The following WWC2 variants were observed in gnomAD, a reference collection of about 807,000 sequenced individuals.
The protein encoded by WWC2 is protein WWC2.
WWC2 carries 101 observed loss-of-function variants against 138.5 expected under a neutral mutation model. The observed-to-expected ratio is 0.73, with a 90% CI of 0.62 to 0.86. The LOEUF (loss-of-function observed/expected upper bound fraction) is 0.86. Among genes scored for constraint, WWC2 ranks in the 40% least tolerant of loss-of-function variants. The pLI is 0.00. For missense variants in WWC2, 1,420 were observed against 1,419.4 expected (o/e 1.00, Z -0.01); for synonymous variants, 558 against 538.4 (o/e 1.04, Z -0.50).
chr4:183,320,226 T>C lies in WWC2; in HGVS notation c.*4497T>C, dbSNP rs1249613600. ...TCTAAATACTAAAGCCATTATAATG[T>C]CCTGAGAGCTTTAGCCAAACTAACT... On this transcript the variant is annotated 3_prime_UTR_variant, in exon 23 of 23. Transcript: ENST00000403733. The C allele has an allele frequency of 1.9e-6, 3 of 1,603,808 alleles. No individual in the cohort carries two copies.
intron 1 of WWC2, among the ~76,000 whole-genome samples, chr4:183,121,368 T>C (rs1732594880): frequency 6.6e-6 from 1 of 152,044 alleles, no homozygotes; most frequent in African/African-American, 2.4e-5. Flanking sequence ...AATTTTGGAA[T>C]ATTTGCATTA....
chr4:183,280,032 C>G (rs1738011463), intron 16 of WWC2, among the ~76,000 whole-genome samples: 1 of 151,856 alleles, frequency 6.6e-6, no homozygotes, highest in African/African-American at 2.4e-5. Flanking sequence ...TCTTTAGTTC[C>G]TAATGAAATA....
intron 16 of WWC2, among the ~76,000 whole-genome samples, chr4:183,276,972 T>TTA (rs1737876538): frequency 1.8e-4 from 27 of 150,286 alleles, no homozygotes; most frequent in Non-Finnish European, 2.5e-4. Context: ...TCATTTCTTT[T>TTA]TTATTATTAT....
intron 10 of WWC2, 125 bp from the exon 11 acceptor site, chr4:183,260,785 C>G: frequency 1.5e-6 from 2 of 1,307,832 alleles, no homozygotes; most frequent in Non-Finnish European, 2.1e-6. Flanking sequence ...TTCCTCTGTC[C>G]CTGGCCATTG....
chr4:183,290,313 A>G (rs1045940083), intron 21 of WWC2, among the ~76,000 whole-genome samples: 1 of 152,108 alleles, frequency 6.6e-6, no homozygotes, highest in Non-Finnish European at 1.5e-5. Context: ...TCAGGAGTTC[A>G]AGACCAGCCT....
At chr4:183,230,286 G>T (rs1474748679) in intron 4 of WWC2, among the ~76,000 whole-genome samples, 2 of 152,046 alleles carry the variant, frequency 1.3e-5, no homozygotes, top group Non-Finnish European at 2.9e-5. Context: ...AGCTTTAAAT[G>T]CTTGTACTAG....
intron 1 of WWC2, among the ~76,000 whole-genome samples, chr4:183,178,944 A>G (rs1164161144): frequency 6.6e-6 from 1 of 152,242 alleles, no homozygotes; most frequent in Non-Finnish European, 1.5e-5. Context: ...AAGGATATTC[A>G]GTACAGTGTT....
chr4:183,222,687 C>T (rs891884195), intron 4 of WWC2, among the ~76,000 whole-genome samples: 7 of 152,036 alleles, frequency 4.6e-5, no homozygotes, highest in Non-Finnish European at 1.5e-5. Flanking sequence ...AATATGTGGC[C>T]AGGCGTGGTG....
At chr4:183,307,956 G>T (rs1739078106) in intron 21 of WWC2, among the ~76,000 whole-genome samples, 2 of 152,182 alleles carry the variant, frequency 1.3e-5, no homozygotes, top group Admixed American at 1.3e-4. Context: ...TGTCCATGTA[G>T]GCAACCTGAA....
At chr4:183,315,031 C>T (rs139745440) in intron 22 of WWC2, among the ~76,000 whole-genome samples, 102 of 152,342 alleles carry the variant, frequency 6.7e-4, no homozygotes, top group East Asian at 5.4e-3. Context: ...TACGTGCTGA[C>T]GGCATAAATG....
At position 183,285,884 on chromosome 4, in the gene WWC2, C is replaced by T; in HGVS notation, c.3049-83C>T. On this transcript the variant is annotated intron_variant, in intron 19 of 22. Transcript: ENST00000403733. ...CTCTTAACTATGACTACCTGCTTTA[C>T]TTGGTAAATGTCTCAATCCCAAACT... 3 of 1,278,824 alleles carry T rather than the reference C, an allele frequency of 2.3e-6. No homozygotes were observed. In the South Asian group the frequency reaches 3.9e-5, roughly 17 times the overall value. The allele number at this position is 1,278,824 out of a possible 1,614,324, so 79.2% of individuals were successfully genotyped here.
chr4:183,192,284 T>C (rs1735011852), intron 1 of WWC2, among the ~76,000 whole-genome samples: 1 of 152,236 alleles, frequency 6.6e-6, no homozygotes, highest in African/African-American at 2.4e-5. Context: ...TACGTGAGGT[T>C]ATACTCACTA....
chr4:183,165,060 T>C (rs911217254), intron 1 of WWC2, among the ~76,000 whole-genome samples: 1 of 152,220 alleles, frequency 6.6e-6, no homozygotes, highest in African/African-American at 2.4e-5. Flanking sequence ...CAAACATTCC[T>C]GGGTCTGTGC....
chr4:183,308,182 A>T (rs552634394), intron 21 of WWC2, among the ~76,000 whole-genome samples: 7 of 152,232 alleles, frequency 4.6e-5, no homozygotes, highest in African/African-American at 1.7e-4. Context: ...TATAAGGTCT[A>T]TAGAGGAAAA....
At position 183,228,343 on chromosome 4, in the gene WWC2, C is replaced by T. The variant is rs374012432; in HGVS notation, c.523-11840C>T. Among the ~76,000 whole-genome samples the T allele has an allele frequency of 2.2e-4, 33 of 151,974 alleles. 1 individual carries two copies. The highest frequency in any genetic ancestry group is 7.7e-4 in the African/African-American group (32 of 41,350). On this transcript the variant is annotated intron_variant, in intron 4 of 22. Transcript: ENST00000403733. ...ATCATAGTGAGAGATTCCAATATAACGTTTGGTATTTGATAGATCAAGCAG... is the reference window on the plus strand; with the variant it reads ...ATCATAGTGAGAGATTCCAATATAATGTTTGGTATTTGATAGATCAAGCAG...
chr4:183,156,552 G>A (rs1050035105), intron 1 of WWC2, among the ~76,000 whole-genome samples: 12 of 151,730 alleles, frequency 7.9e-5, no homozygotes, highest in African/African-American at 2.7e-4. Flanking sequence ...GACTGTTTTC[G>A]AACTCCTGAC....
intron 9 of WWC2, 23 bp from the exon 10 acceptor site, chr4:183,259,616 A>C: frequency 6.8e-7 from 1 of 1,466,092 alleles, no homozygotes; most frequent in Non-Finnish European, 9.2e-7. Context: ...TAATCATTTG[A>C]AAATAATTTT....
chr4:183,254,539 C>G (rs191136123), intron 9 of WWC2, among the ~76,000 whole-genome samples: 1 of 152,300 alleles, frequency 6.6e-6, no homozygotes, highest in Non-Finnish European at 1.5e-5. Context: ...TCCCATCTTT[C>G]TCTGGGAAGG....
At chr4:183,266,355 C>G (rs1359559317) in intron 14 of WWC2, among the ~76,000 whole-genome samples, 2 of 152,142 alleles carry the variant, frequency 1.3e-5, no homozygotes, top group Non-Finnish European at 2.9e-5. Flanking sequence ...CATTGCCAGT[C>G]AAACATTTTA....
Sources: allele counts gnomAD v4.1 joint callset (sites outside exome capture counted in the v4.1 genomes callset), GRCh38; gene constraint gnomAD v4.1.1; transcripts MANE v1.5; gene names NCBI Gene and HGNC (gene_info 2026-07-23, HGNC 2026-07-21).